Variants in LGMN observed in about 807,000 individuals in gnomAD.
The protein encoded by LGMN is asparaginyl endopeptidase.
A neutral mutation model predicts 56.8 loss-of-function variants in LGMN; 36 were observed. That is an observed-to-expected ratio of 0.63 (90% CI 0.49 to 0.84). The LOEUF (loss-of-function observed/expected upper bound fraction) is 0.84, where lower values mean the gene tolerates loss of function less well. LGMN is among the 40% of genes least tolerant of loss of function. The pLI, the probability that LGMN is intolerant of heterozygous loss-of-function variation, is 0.00. For synonymous variants in LGMN, 199 were observed against 210.1 expected (o/e 0.95, Z 0.46); for missense variants, 446 against 556.1 (o/e 0.80, Z 1.99).
intron 1 of LGMN, among the ~76,000 whole-genome samples, chr14:92,739,104 G>A (rs1273241033): frequency 6.6e-6 from 1 of 151,696 alleles, no homozygotes; most frequent in African/African-American, 2.4e-5. Context: ...GGTGAAGAGA[G>A]ACACAAAAGT....
rs1889922714 is a variant in LGMN at position 92,713,829 on chromosome 14, G to A, written c.537C>T (p.Tyr179=). The A allele has an allele frequency of 1.2e-6, 2 of 1,612,106 alleles. No homozygotes were observed. The highest frequency in any genetic ancestry group is 1.7e-6 in the Non-Finnish European group (2 of 1,178,180). Residue 179 remains tyrosine, a synonymous_variant, in exon 7 of 14, where the codon TAC becomes TAT. Transcript: ENST00000334869. ...TIHYMYKHKM[Y]RKMVFYIEAC... ...GCCCCAAGGGCTGAATTACCTTTCG[G>A]TACATTTTGTGTTTGTACATGTAAT...
intron 4 of LGMN, among the ~76,000 whole-genome samples, chr14:92,716,630 C>T (rs1278089181): frequency 6.6e-6 from 1 of 152,166 alleles, no homozygotes; most frequent in African/African-American, 2.4e-5. Flanking sequence ...AAGACTCCAT[C>T]TCAAACAAAC....
At chr14:92,711,075 C>T (rs1889741024) in intron 10 of LGMN, among the ~76,000 whole-genome samples, 1 of 152,208 alleles carries the variant, frequency 6.6e-6, no homozygotes, top group African/African-American at 2.4e-5. Context: ...ACATCCCAAA[C>T]GCTAGCCCCA....
chr14:92,704,128 CA>C lies in LGMN; in HGVS notation c.*190del, dbSNP rs760498832. The C allele has an allele frequency of 1.4e-6, 1 of 736,232 alleles. No individual in the cohort carries two copies. Among genetic ancestry groups the C allele is most frequent in the South Asian group, 1.5e-5 (1 of 68,630 alleles). 45.6% of individuals were successfully genotyped at this position (736,232 alleles called of 1,614,324 possible). A position where few individuals can be genotyped will look rare whatever the true frequency, so the allele number is the denominator to read the frequency against. On this transcript the variant is annotated 3_prime_UTR_variant, in exon 14 of 14. Transcript: ENST00000334869. ...TTTCCCACCCTAATTTGTAGTTTTT[CA>C]GAAAAGACTGGGGAAGCAGGTAACA...
chr14:92,723,071 G>A (rs1890562364), intron 2 of LGMN, among the ~76,000 whole-genome samples: 1 of 150,428 alleles, frequency 6.6e-6, no homozygotes, highest in East Asian at 1.9e-4. Context: ...TTTTGAGACA[G>A]AGTCTTGTTC....
chr14:92,710,075 C>T (rs1889678756), intron 10 of LGMN, among the ~76,000 whole-genome samples: 1 of 152,150 alleles, frequency 6.6e-6, no homozygotes, highest in Non-Finnish European at 1.5e-5. Context: ...GTCTGAAAGG[C>T]ATGGTCACCC....
chr14:92,716,412 C>T (rs1890081333), intron 4 of LGMN, among the ~76,000 whole-genome samples, 191 bp from the exon 5 acceptor site: 1 of 152,206 alleles, frequency 6.6e-6, no homozygotes. Context: ...GCGGGCGGAA[C>T]ACTTGAGGTC....
intron 1 of LGMN, among the ~76,000 whole-genome samples, chr14:92,743,578 G>A (rs904616981): frequency 6.6e-5 from 10 of 151,834 alleles, no homozygotes; most frequent in Non-Finnish European, 1.3e-4. Context: ...AAGGTGGGTG[G>A]ATCACTTGAA....
At position 92,716,225 on chromosome 14, in the gene LGMN, C is replaced by T. The variant is rs1179207907; in HGVS notation, c.319-4G>A. 1 of 1,609,292 alleles carries T rather than the reference C, an allele frequency of 6.2e-7. No individual in the cohort carries two copies. The highest frequency in any genetic ancestry group is 8.5e-7 in the Non-Finnish European group (1 of 1,175,868). On this transcript the variant is annotated splice_region_variant and splice_polypyrimidine_tract_variant and intron_variant, in intron 4 of 13. Coordinates refer to ENST00000334869, the MANE Select transcript of LGMN (RefSeq NM_005606.7). ...GGAAATTTTGTGGGGTAACATCCTA[C>T]AAAGAATTAGGAGCCACAATCAGAT...
intron 13 of LGMN, 99 bp from the exon 14 acceptor site, chr14:92,704,460 G>A: frequency 2.7e-6 from 3 of 1,100,518 alleles, no homozygotes; most frequent in Non-Finnish European, 4.1e-6. Context: ...GTTATGACAG[G>A]CCCGCCCAGC....
At chr14:92,739,947 G>A (rs1017360904) in intron 1 of LGMN, among the ~76,000 whole-genome samples, 1 of 152,188 alleles carries the variant, frequency 6.6e-6, no homozygotes, top group Non-Finnish European at 1.5e-5. Flanking sequence ...CCAGCCAGGG[G>A]AGATCAGAGA....
intron 2 of LGMN, among the ~76,000 whole-genome samples, chr14:92,723,476 A>G (rs915405484): frequency 2.0e-5 from 3 of 152,238 alleles, no homozygotes; most frequent in Admixed American, 6.5e-5. Context: ...ATGTCCATCA[A>G]CTGGTAAATG....
chr14:92,711,475 C>T (rs79720651), intron 10 of LGMN, among the ~76,000 whole-genome samples, 184 bp downstream of exon 10: 1 of 152,306 alleles, frequency 6.6e-6, no homozygotes, highest in East Asian at 1.9e-4. Context: ...AAGTTTGAAC[C>T]TAGAAAGGTC....
At chr14:92,727,763 G>A (rs1890813004) in intron 2 of LGMN, among the ~76,000 whole-genome samples, 1 of 152,146 alleles carries the variant, frequency 6.6e-6, no homozygotes, top group African/African-American at 2.4e-5. Flanking sequence ...AACTGGAGCT[G>A]CTGTAGAGAC....
intron 11 of LGMN, among the ~76,000 whole-genome samples, chr14:92,708,830 C>G (rs1417497304): frequency 7.6e-6 from 1 of 130,920 alleles, no homozygotes; most frequent in African/African-American, 2.9e-5. Flanking sequence ...GCATTCCAGC[C>G]TGGCGACAGA....
intron 10 of LGMN, among the ~76,000 whole-genome samples, chr14:92,710,996 C>T (rs567154749): frequency 2.6e-5 from 4 of 152,322 alleles, no homozygotes; most frequent in African/African-American, 7.2e-5. Flanking sequence ...GCGAGCTCTC[C>T]GCTGGGGGTG....
intron 2 of LGMN, among the ~76,000 whole-genome samples, chr14:92,721,845 G>A (rs1890495322): frequency 6.6e-6 from 1 of 152,050 alleles, no homozygotes; most frequent in Non-Finnish European, 1.5e-5. Context: ...CCCAAGAAGT[G>A]CAAACCCCAC....
chr14:92,719,275 GCCACCGCCGCCGCCGCCGCCGCCGCCA>G lies in LGMN; in HGVS notation c.139-458_139-432del, dbSNP rs1267969098. On this transcript the variant is annotated intron_variant, in intron 2 of 13. Coordinates refer to ENST00000334869, the MANE Select transcript of LGMN (RefSeq NM_005606.7). The stretch of plus-strand genomic sequence containing the variant: ...CACCACCACCGCCACCGCCGCCGCC[GCCACCGCCGCCGCCGCCGCCGCCGCCA>G]CCGCCGCCACCGCCGCCGCCGCCAC... Among the ~76,000 whole-genome samples, 185 of 23,748 alleles carry G rather than the reference GCCACCGCCGCCGCCGCCGCCGCCGCCA, an allele frequency of 7.8e-3. 10 individuals carry two copies. Among genetic ancestry groups the G allele is most frequent in the African/African-American group, 0.031 (170 of 5,556 alleles). The allele number at this position is 23,748 out of a possible 152,430, so 15.6% of individuals were successfully genotyped here. A position where few individuals can be genotyped will look rare whatever the true frequency, so the allele number is the denominator to read the frequency against.
chr14:92,708,498 G>A (rs117768619), intron 11 of LGMN, among the ~76,000 whole-genome samples: 8 of 152,242 alleles, frequency 5.3e-5, no homozygotes, highest in East Asian at 1.9e-4. Context: ...GCTATACTGC[G>A]TTTGACACCA....
Sources: allele counts gnomAD v4.1 joint callset (sites outside exome capture counted in the v4.1 genomes callset), GRCh38; gene constraint gnomAD v4.1.1; transcripts MANE v1.5; gene names NCBI Gene and HGNC (gene_info 2026-07-23, HGNC 2026-07-21).